The following RABGEF1 variants were observed in gnomAD, a reference collection of about 807,000 sequenced individuals.
RABGEF1 encodes rab5 GDP/GTP exchange factor.
In RABGEF1, 26 loss-of-function variants were observed where a neutral mutation model predicts 57.3. That is an observed-to-expected ratio of 0.45 (90% CI 0.33 to 0.63). The LOEUF (loss-of-function observed/expected upper bound fraction) is 0.63, where lower values mean the gene tolerates loss of function less well. RABGEF1 is among the 20% of genes least tolerant of loss of function. RABGEF1 has a pLI of 0.02. For missense variants in RABGEF1, 464 were observed against 607.6 expected (o/e 0.76, Z 2.48); for synonymous variants, 185 against 210.7 (o/e 0.88, Z 1.06).
At chr7:66,753,700 C>CGTTTT (rs1801977536) in intron 1 of RABGEF1, among the ~76,000 whole-genome samples, 1 of 78,510 alleles carries the variant, frequency 1.3e-5, no homozygotes, top group Non-Finnish European at 2.8e-5. Context: ...ATTTTGCCAT[C>CGTTTT]GTTTTTTTTT....
intron 2 of RABGEF1, among the ~76,000 whole-genome samples, chr7:66,732,208 T>A (rs1797398691): frequency 6.6e-6 from 1 of 152,172 alleles, no homozygotes; most frequent in Admixed American, 6.5e-5. Context: ...GCACCGTCCA[T>A]AAGCGAGCCC....
At chr7:66,792,046 A>G (rs1192798430) in intron 4 of RABGEF1, among the ~76,000 whole-genome samples, 2 of 151,230 alleles carry the variant, frequency 1.3e-5, no homozygotes, top group Non-Finnish European at 3.0e-5. Flanking sequence ...TGGGAGGCGT[A>G]GGTTGCAGTG....
chr7:66,755,718 G>T (rs1450146158), intron 1 of RABGEF1, among the ~76,000 whole-genome samples: 4 of 152,130 alleles, frequency 2.6e-5, no homozygotes, highest in Admixed American at 6.5e-5. Flanking sequence ...CCGGAGAATG[G>T]CATGCTCAGA....
chr7:66,742,733 A>AG (rs1799271855), intron 1 of RABGEF1, among the ~76,000 whole-genome samples: 1 of 152,158 alleles, frequency 6.6e-6, no homozygotes, highest in Non-Finnish European at 1.5e-5. Context: ...CAGCCTCCCG[A>AG]GTAGCTAAGA....
chr7:66,793,996 G>T (rs1331009833), intron 4 of RABGEF1, among the ~76,000 whole-genome samples: 4 of 152,182 alleles, frequency 2.6e-5, no homozygotes, highest in Non-Finnish European at 2.9e-5. Context: ...AGAAATTTTT[G>T]ATTTTGGTGT....
intron 1 of RABGEF1, among the ~76,000 whole-genome samples, chr7:66,747,505 T>TA (rs1800524185): frequency 6.6e-6 from 1 of 152,238 alleles, no homozygotes; most frequent in African/African-American, 2.4e-5. Flanking sequence ...TAATTGAATT[T>TA]ATGGTGATTT....
At chr7:66,771,714 A>G (rs924260019) in intron 1 of RABGEF1, among the ~76,000 whole-genome samples, 169 bp from the exon 2 acceptor site, 4 of 151,870 alleles carry the variant, frequency 2.6e-5, no homozygotes, top group South Asian at 2.1e-4. Flanking sequence ...ACTATATTTA[A>G]CATTCTTTTT....
chr7:66,701,101 G>T (rs571195982), intron 1 of RABGEF1, among the ~76,000 whole-genome samples: 2 of 152,256 alleles, frequency 1.3e-5, no homozygotes, highest in East Asian at 3.9e-4. Context: ...CTGTTTGTGA[G>T]CAGCCGTGTG....
At chr7:66,724,266 C>T (rs1004333216) in intron 2 of RABGEF1, among the ~76,000 whole-genome samples, 8 of 152,106 alleles carry the variant, frequency 5.3e-5, no homozygotes, top group African/African-American at 1.9e-4. Flanking sequence ...ATTTCCTTCT[C>T]TGGCTGCTTT....
At chr7:66,797,613 C>T in intron 6 of RABGEF1, 107 bp downstream of exon 6, 2 of 1,230,748 alleles carry the variant, frequency 1.6e-6, no homozygotes, top group Non-Finnish European at 1.1e-6. Flanking sequence ...AAAGCAATAG[C>T]TCATGTTCCT....
Position 66,773,871 on chromosome 7 carries a change from G to T in RABGEF1, c.180-1356G>T, listed in dbSNP as rs111517906. On this transcript the variant is annotated intron_variant, in intron 2 of 8. Coordinates refer to ENST00000284957, the MANE Select transcript of RABGEF1 (RefSeq NM_014504.3). ...TGTAGAGACAGGGTTTCACCATGTT[G>T]CCCAGGCTGGTCTCAAATTCCTGAG... The T allele has an allele frequency of 4.4e-4, 183 of 415,846 alleles. 1 individual carries two copies. Among genetic ancestry groups the T allele is most frequent in the Middle Eastern group, 1.6e-3 (2 of 1,252 alleles). 25.8% of individuals were successfully genotyped at this position (415,846 alleles called of 1,614,324 possible). A position where few individuals can be genotyped will look rare whatever the true frequency, so the allele number is the denominator to read the frequency against.
At chr7:66,754,693 C>G (rs1382174233) in intron 1 of RABGEF1, among the ~76,000 whole-genome samples, 2 of 152,160 alleles carry the variant, frequency 1.3e-5, no homozygotes, top group Non-Finnish European at 2.9e-5. Context: ...GAGCATAACA[C>G]AAATATTTAT....
At chr7:66,683,164 G>C (rs1790047949) in intron 1 of RABGEF1, among the ~76,000 whole-genome samples, 1 of 151,994 alleles carries the variant, frequency 6.6e-6, no homozygotes, top group South Asian at 2.1e-4. Context: ...TTTTTTTCGA[G>C]ATGGGATCTC....
intron 1 of RABGEF1, chr7:66,755,995 A>G: frequency 3.7e-6 from 5 of 1,348,626 alleles, no homozygotes; most frequent in East Asian, 2.6e-5. Context: ...ATTTAATCAT[A>G]TGAAAGTTGG....
intron 2 of RABGEF1, among the ~76,000 whole-genome samples, chr7:66,720,253 A>G (rs1263952952): frequency 6.8e-6 from 1 of 147,192 alleles, no homozygotes; most frequent in East Asian, 2.0e-4. Context: ...GTTGGAGTGC[A>G]GTGGCGCGAT....
the RABGEF1 span, among the ~76,000 whole-genome samples, chr7:66,671,992 T>G: frequency 6.6e-6 from 1 of 151,796 alleles, no homozygotes; most frequent in East Asian, 1.9e-4. Context: ...AATTTTTGAT[T>G]TTTTGTAGGA....
intron 2 of RABGEF1, among the ~76,000 whole-genome samples, chr7:66,720,189 TTA>T (rs57136050): frequency 0.24 from 34,401 of 140,468 alleles, 4,271 homozygotes; most frequent in South Asian, 0.31. Flanking sequence ...ATTATTATTA[TTA>T]TTATTTTTTT....
chr7:66,759,297 G>A (rs760742145), intron 1 of RABGEF1, among the ~76,000 whole-genome samples: 20 of 152,152 alleles, frequency 1.3e-4, no homozygotes, highest in Non-Finnish European at 2.2e-4. Flanking sequence ...GGTTAGTTGT[G>A]CATTGAGCAG....
chr7:66,772,951 G>T (rs1421818279), intron 2 of RABGEF1, among the ~76,000 whole-genome samples: 3 of 151,774 alleles, frequency 2.0e-5, no homozygotes, highest in Non-Finnish European at 4.4e-5. Context: ...TGATGGGATG[G>T]CTAGTGAGCA....
Sources: allele counts gnomAD v4.1 joint callset (sites outside exome capture counted in the v4.1 genomes callset), GRCh38; gene constraint gnomAD v4.1.1; transcripts MANE v1.5; gene names NCBI Gene and HGNC (gene_info 2026-07-23, HGNC 2026-07-21).